The following SMARCA4 variants were observed in gnomAD, a reference collection of about 807,000 sequenced individuals.
SMARCA4 encodes the protein SWI/SNF-related matrix-associated actin-dependent regulator of chromatin subfamily A member 4.
Under a neutral mutation model 193.9 loss-of-function variants are expected in SMARCA4, and 31 were observed. The observed-to-expected ratio is 0.16, with a 90% confidence interval of 0.12 to 0.22. The LOEUF (loss-of-function observed/expected upper bound fraction) is 0.22, where lower values mean the gene tolerates loss of function less well. SMARCA4 is among the 10% of genes least tolerant of loss of function. SMARCA4 has a pLI of 1.00. For synonymous variants in SMARCA4, 942 were observed against 933.1 expected (o/e 1.01, Z -0.17); for missense variants, 1,148 against 2,296.0 (o/e 0.50, Z 10.22).
Position 10,986,591 on chromosome 19 carries a change from A to G in SMARCA4, c.758A>G (p.His253Arg), listed in dbSNP as rs2086063382. The change falls in exon 4 of 35, where the codon CAT becomes CGT. Residue 253 changes from histidine to arginine, a missense_variant and splice_region_variant. By Grantham distance (29) the His-to-Arg change is conservative (BLOSUM62 0). Around this residue, in one of 17 missense-constraint regions of SMARCA4, gnomAD observed 257 missense variants for 276.5 expected, o/e 0.93. Transcript: ENST00000344626. This position sits in a 1 kb window ranked among gnomAD's most constrained non-coding sequence, Gnocchi z 6.7. Reference protein sequence around the residue: ...GPAPPNYSRPHGMGGPNMPPP... With the variant: ...GPAPPNYSRPRGMGGPNMPPP... ...GCACCTCCAAATTACAGCAGGCCTCATGGTAAGACTGGCTGCCCTGGCCCT... is the reference window on the plus strand; with the variant it reads ...GCACCTCCAAATTACAGCAGGCCTCGTGGTAAGACTGGCTGCCCTGGCCCT... The G allele has an allele frequency of 2.0e-6, 3 of 1,535,948 alleles. No individual in the cohort carries two copies. The highest frequency in any genetic ancestry group is 1.7e-4 in the Middle Eastern group (1 of 5,956).
At chr19:11,053,418 C>T (rs535534988) in intron 30 of SMARCA4, among the ~76,000 whole-genome samples, 7 of 147,766 alleles carry the variant, frequency 4.7e-5, no homozygotes, top group Non-Finnish European at 8.9e-5. Flanking sequence ...CACCACTGCA[C>T]TCCAGCCTGG....
At chr19:11,014,989 ATTTT>A (rs2089221590) in intron 16 of SMARCA4, among the ~76,000 whole-genome samples, 2 of 151,780 alleles carry the variant, frequency 1.3e-5, no homozygotes, top group South Asian at 4.2e-4. Flanking sequence ...ACTTTTTTGC[ATTTT>A]TAGTAGAGAC....
Position 11,030,984 on chromosome 19 carries a change from C to T in SMARCA4, c.3546+91C>T, listed in dbSNP as rs1201887807. The T allele has an allele frequency of 8.3e-7, 1 of 1,211,294 alleles. No individual in the cohort carries two copies. Among genetic ancestry groups the T allele is most frequent in the Admixed American group, 2.0e-5 (1 of 51,266 alleles). 75.0% of individuals were successfully genotyped at this position (1,211,294 alleles called of 1,614,324 possible). A position where few individuals can be genotyped will look rare whatever the true frequency, so the allele number is the denominator to read the frequency against. On this transcript the variant is annotated intron_variant, in intron 25 of 34. Transcript: ENST00000344626. This position sits in a 1 kb window ranked among gnomAD's most constrained non-coding sequence, Gnocchi z 5.5. ...GGCCCTGGCTTGAGGGTCCTCCAGCCTCCTCCACATTGTCTTGGACCCCAG... is the reference window on the plus strand; with the variant it reads ...GGCCCTGGCTTGAGGGTCCTCCAGCTTCCTCCACATTGTCTTGGACCCCAG...
At chr19:11,024,255 C>A in intron 20 of SMARCA4, 76 bp from the exon 21 acceptor site, 2 of 985,996 alleles carry the variant, frequency 2.0e-6, no homozygotes, top group South Asian at 1.3e-5. Context: ...CCGAGGGGGT[C>A]AGAGCTGGGT....
At chr19:10,974,683 ATATATATTTTTTTTTTTTTTTTTT>A (rs2084963501) in intron 1 of SMARCA4, among the ~76,000 whole-genome samples, 2 of 45,410 alleles carry the variant, frequency 4.4e-5, no homozygotes, top group African/African-American at 1.8e-4. Context: ...ATATATATAT[ATATATATTTTTTTTTTTTTTTTTT>A]TTTTTTTTTT....
chr19:11,046,772 A>G (rs1568538425), intron 30 of SMARCA4, among the ~76,000 whole-genome samples: 1 of 152,018 alleles, frequency 6.6e-6, no homozygotes, highest in Non-Finnish European at 1.5e-5. Flanking sequence ...CCTGAGCAAA[A>G]CAGGGAGACC....
At chr19:11,001,279 G>A (rs1159107246) in intron 11 of SMARCA4, among the ~76,000 whole-genome samples, 1 of 151,992 alleles carries the variant, frequency 6.6e-6, no homozygotes, top group Non-Finnish European at 1.5e-5. Flanking sequence ...GACCAACCTG[G>A]GCAACATAGG....
rs1359034279 is a variant in SMARCA4, at chr19:10,985,706, A to T, written c.355+301A>T. Among the ~76,000 whole-genome samples, 3 of 152,150 alleles carry T rather than the reference A, an allele frequency of 2.0e-5. No homozygotes were observed. The highest frequency in any genetic ancestry group is 7.2e-5 in the African/African-American group (3 of 41,436). On this transcript the variant is annotated intron_variant, in intron 3 of 34. Transcript: ENST00000344626. This position sits in a 1 kb window ranked among gnomAD's most constrained non-coding sequence, Gnocchi z 4.5. ...CGTGCCACCCAGGAACTTACTGGAA[A>T]TACAGATTCCTGGGGCCTGGGACTC...
At chr19:11,017,169 T>A (rs2089439580) in intron 16 of SMARCA4, among the ~76,000 whole-genome samples, 1 of 152,232 alleles carries the variant, frequency 6.6e-6, no homozygotes, top group Non-Finnish European at 1.5e-5. Context: ...GACCACAGGT[T>A]CCTTCTCACA....
chr19:11,058,391 G>A lies in SMARCA4; in HGVS notation c.4533+28G>A, dbSNP rs760913532. The stretch of plus-strand genomic sequence containing the variant: ...AACCCTGACGTTGTACCTGCGCCCC[G>A]CATGTGCCCGGAGGGGAGTCTGACC... On this transcript the variant is annotated intron_variant, in intron 31 of 34. Coordinates refer to ENST00000344626, the MANE Select transcript of SMARCA4 (RefSeq NM_003072.5). This position sits in a 1 kb window ranked among gnomAD's most constrained non-coding sequence, Gnocchi z 5.8. 6.0e-5 allele frequency: 89 copies of A among 1,488,316 alleles called. No individual in the cohort carries two copies. Among genetic ancestry groups the A allele is most frequent in the East Asian group, 1.4e-4 (6 of 44,204 alleles). The allele number at this position is 1,488,316 out of a possible 1,614,324, so 92.2% of individuals were successfully genotyped here.
intron 13 of SMARCA4, among the ~76,000 whole-genome samples, chr19:11,007,429 CA>C (rs1188457080): frequency 0.074 from 4,169 of 56,144 alleles, 48 homozygotes; most frequent in African/African-American, 0.09. Context: ...CACTTCGTCT[CA>C]AAAAAAAAAA....
intron 20 of SMARCA4, among the ~76,000 whole-genome samples, chr19:11,024,100 TG>T (rs1460238284): frequency 6.6e-6 from 1 of 152,192 alleles, no homozygotes; most frequent in African/African-American, 2.4e-5. Flanking sequence ...AGAAGATGGC[TG>T]GGGGGCCCTT....
intron 1 of SMARCA4, among the ~76,000 whole-genome samples, chr19:10,967,414 C>T (rs1196007457): frequency 6.6e-6 from 1 of 151,578 alleles, no homozygotes; most frequent in Non-Finnish European, 1.5e-5. Flanking sequence ...GGGTTCACGC[C>T]ATTCTCCTGC....
In SMARCA4 at chr19:11,025,467, C is replaced by A. The variant is rs770014321; in HGVS notation, c.3127C>A (p.Arg1043=). 4 of 1,613,388 alleles carry A rather than the reference C, an allele frequency of 2.5e-6. No homozygotes were observed. Residue 1043 remains arginine, a synonymous_variant, in exon 22 of 35, where the codon CGG becomes AGG. Transcript: ENST00000344626. ...CCTGATGAACACCATCATGCAGCTG[C>A]GGAAGATCTGCAACCACCCCTACAT... ...KTLMNTIMQL[R]KICNHPYMFQ... is the part of the protein sequence containing the mutation.
chr19:11,054,746 G>A (rs370176483), intron 30 of SMARCA4, among the ~76,000 whole-genome samples: 2 of 152,236 alleles, frequency 1.3e-5, no homozygotes, highest in East Asian at 3.9e-4. Flanking sequence ...CCGAGATCAC[G>A]CCACTGCATG....
intron 23 of SMARCA4, among the ~76,000 whole-genome samples, chr19:11,026,583 T>C (rs1158681946): frequency 6.9e-6 from 1 of 145,650 alleles, no homozygotes; most frequent in African/African-American, 2.5e-5. Flanking sequence ...CACTGCAACC[T>C]CTGCCTCCTG....
intron 13 of SMARCA4, among the ~76,000 whole-genome samples, chr19:11,007,515 G>A (rs988137631): frequency 6.6e-6 from 1 of 151,480 alleles, no homozygotes; most frequent in East Asian, 1.9e-4. Flanking sequence ...GAGGCGAGAG[G>A]ATTGCTTGAG....
At chr19:10,971,457 T>C (rs12981555) in intron 1 of SMARCA4, among the ~76,000 whole-genome samples, 18,513 of 151,890 alleles carry the variant, frequency 0.12, 1,424 homozygotes, top group Admixed American at 0.19. Flanking sequence ...TGATTAGATT[T>C]ATAGCACTTC....
intron 30 of SMARCA4, among the ~76,000 whole-genome samples, chr19:11,047,385 A>G (rs2075999814): frequency 6.7e-6 from 1 of 148,782 alleles, no homozygotes; most frequent in Non-Finnish European, 1.5e-5. Context: ...AGCACTGCCA[A>G]CCAGAGAAGC....
Sources: gnomAD v4.1 joint callset for allele counts (sites outside exome capture counted in the v4.1 genomes callset) on GRCh38, gnomAD v4.1.1 for gene constraint, gnomAD v4.1.1 regional missense constraint, Gnocchi (gnomAD v3.1) non-coding constraint, MANE v1.5 for transcripts, NCBI Gene and HGNC (gene_info 2026-07-23, HGNC 2026-07-21) for gene names.